TUSC3: variants seen among roughly 807,000 people sequenced by gnomAD.
TUSC3 encodes the protein tumor suppressor candidate 3.
In TUSC3, 45 loss-of-function variants were observed where a neutral mutation model predicts 44.8. The ratio of observed to expected loss-of-function variants is 1.00; its 90% CI spans 0.79 to 1.29. The LOEUF is 1.29. Among genes scored for constraint, TUSC3 ranks in the 50% most tolerant of loss-of-function variants. The probability of loss-of-function intolerance (pLI) is 0.00; values close to 1 mark genes in which losing one functional copy is unlikely to be tolerated. For missense variants in TUSC3, 519 were observed against 437.9 expected, an observed-to-expected ratio of 1.19 and a Z score of -1.65; for synonymous variants, 212 against 152.9, an observed-to-expected ratio of 1.39 and a Z score of -2.85.
chr8:15,794,549 G>T, the TUSC3 span, among the ~76,000 whole-genome samples: 1 of 152,166 alleles, frequency 6.6e-6, no homozygotes, highest in African/African-American at 2.4e-5. Flanking sequence ...AAAGCCATTA[G>T]ATTCCTTGTT....
At chr8:15,595,154 T>C (rs368645651) in intron 1 of TUSC3, among the ~76,000 whole-genome samples, 27 of 152,210 alleles carry the variant, frequency 1.8e-4, no homozygotes, top group African/African-American at 6.0e-4. Context: ...TACGGAAAGC[T>C]GGGCTCTTAA....
chr8:15,832,193 A>C, the TUSC3 span, among the ~76,000 whole-genome samples: 1 of 152,184 alleles, frequency 6.6e-6, no homozygotes, highest in Non-Finnish European at 1.5e-5. Context: ...TGGCCAAATT[A>C]AGCTTCATAA....
At chr8:15,653,842 C>T (rs75582022) in intron 3 of TUSC3, among the ~76,000 whole-genome samples, 3,422 of 152,212 alleles carry the variant, frequency 0.022, 121 homozygotes, top group African/African-American at 0.076. Flanking sequence ...TTTTAAAGCA[C>T]TGTTAGCAGT....
intron 2 of TUSC3, among the ~76,000 whole-genome samples, chr8:15,647,957 T>C (rs968553891): frequency 1.3e-5 from 2 of 152,220 alleles, no homozygotes; most frequent in Admixed American, 6.5e-5. Flanking sequence ...TGTTTTGATA[T>C]ATCCCAGTAT....
the TUSC3 span, among the ~76,000 whole-genome samples, chr8:15,850,560 T>C: frequency 6.6e-6 from 1 of 152,176 alleles, no homozygotes; most frequent in Non-Finnish European, 1.5e-5. Context: ...TGTTCTCTCT[T>C]CTCATCTCTT....
chr8:15,584,428 T>A (rs948895710), intron 1 of TUSC3, among the ~76,000 whole-genome samples: 1 of 152,214 alleles, frequency 6.6e-6, no homozygotes, highest in African/African-American at 2.4e-5. Flanking sequence ...ATGCATTAAA[T>A]GAGTGCTAGC....
At chr8:15,585,298 G>T (rs1345140831) in intron 1 of TUSC3, among the ~76,000 whole-genome samples, 1 of 152,164 alleles carries the variant, frequency 6.6e-6, no homozygotes, top group African/African-American at 2.4e-5. Flanking sequence ...GAGAGGTACA[G>T]ATTTGAGATG....
At chr8:15,661,278 C>T (rs1274379556) in intron 4 of TUSC3, among the ~76,000 whole-genome samples, 1 of 151,990 alleles carries the variant, frequency 6.6e-6, no homozygotes, top group South Asian at 2.1e-4. Context: ...CATTGTCCAC[C>T]TTCAGTACAA....
At chr8:15,544,311 G>A (rs1268032823) in intron 1 of TUSC3, among the ~76,000 whole-genome samples, 1 of 146,384 alleles carries the variant, frequency 6.8e-6, no homozygotes, top group Non-Finnish European at 1.5e-5. Context: ...AATTTATAAT[G>A]ACCTCTTCTG....
chr8:15,498,444 G>A (rs1800912262), intron 2 of TUSC3, among the ~76,000 whole-genome samples: 1 of 152,178 alleles, frequency 6.6e-6, no homozygotes, highest in Non-Finnish European at 1.5e-5. Context: ...CCGGAGCAGG[G>A]AAGCACCGGA....
chr8:15,681,203 G>C (rs1326397275), intron 6 of TUSC3, among the ~76,000 whole-genome samples: 2 of 110,358 alleles, frequency 1.8e-5, no homozygotes, highest in African/African-American at 3.4e-5. Flanking sequence ...GAATTCATCT[G>C]AGGATTCCGT....
chr8:15,830,999 A>G, the TUSC3 span, among the ~76,000 whole-genome samples: 1 of 152,194 alleles, frequency 6.6e-6, no homozygotes, highest in African/African-American at 2.4e-5. Context: ...GCAAGGATGG[A>G]TTCCGCTGCT....
At chr8:15,418,348 A>G (rs1258782885) in intron 1 of TUSC3, among the ~76,000 whole-genome samples, 1 of 152,068 alleles carries the variant, frequency 6.6e-6, no homozygotes, top group African/African-American at 2.4e-5. Flanking sequence ...AACATAGATG[A>G]CGCATTTTTT....
chr8:15,790,623 G>A, the TUSC3 span, among the ~76,000 whole-genome samples: 2 of 152,110 alleles, frequency 1.3e-5, no homozygotes, highest in Non-Finnish European at 2.9e-5. Context: ...GACCCAGGAA[G>A]TAAGCCCTGC....
intron 1 of TUSC3, among the ~76,000 whole-genome samples, chr8:15,440,384 C>G (rs879797074): frequency 6.6e-6 from 1 of 152,118 alleles, no homozygotes; most frequent in East Asian, 1.9e-4. Context: ...AATGATTAGA[C>G]AGTGTCTTGA....
chr8:15,496,425 T>A (rs1800880971), intron 2 of TUSC3, among the ~76,000 whole-genome samples: 1 of 152,220 alleles, frequency 6.6e-6, no homozygotes, highest in Non-Finnish European at 1.5e-5. Flanking sequence ...TCTGGAATAG[T>A]GATCTCAAAT....
At chr8:15,687,518 A>C (rs1448948383) in intron 6 of TUSC3, among the ~76,000 whole-genome samples, 2 of 152,098 alleles carry the variant, frequency 1.3e-5, no homozygotes, top group Non-Finnish European at 2.9e-5. Context: ...CATCTTCAGC[A>C]TCTGTTGTTG....
chr8:15,462,161 A>T (rs367749287), intron 1 of TUSC3, among the ~76,000 whole-genome samples: 1 of 152,088 alleles, frequency 6.6e-6, no homozygotes, highest in Admixed American at 6.6e-5. Context: ...CATAATAATA[A>T]CTTTAGCATG....
the TUSC3 span, among the ~76,000 whole-genome samples, chr8:15,781,483 G>A: frequency 3.2e-4 from 48 of 152,206 alleles, no homozygotes; most frequent in African/African-American, 1.1e-3. Context: ...GGCAGCAAGG[G>A]AAAAGCAACT....
Sources: allele counts gnomAD v4.1 joint callset (sites outside exome capture counted in the v4.1 genomes callset), GRCh38; gene constraint gnomAD v4.1.1; transcripts MANE v1.5; gene names NCBI Gene and HGNC (gene_info 2026-07-23, HGNC 2026-07-21).